Variants in SLC38A6 observed in about 807,000 individuals in gnomAD.
SLC38A6 encodes N system amino acid transporter NAT-1.
In SLC38A6, 73 loss-of-function variants were observed where a neutral mutation model predicts 65.0. The ratio of observed to expected loss-of-function variants is 1.12; its 90% CI spans 0.93 to 1.37. SLC38A6 has a LOEUF of 1.37. Ranked by LOEUF, SLC38A6 falls within the 40% of genes most tolerant of loss-of-function variation. The pLI is 0.00. For missense variants in SLC38A6, 561 were observed against 531.1 expected (o/e 1.06, Z -0.55); for synonymous variants, 183 against 178.8 (o/e 1.02, Z -0.19).
chr14:61,071,571 A>G (rs1469454957), intron 15 of SLC38A6, among the ~76,000 whole-genome samples: 1 of 151,940 alleles, frequency 6.6e-6, no homozygotes, highest in Non-Finnish European at 1.5e-5. Flanking sequence ...AGTCCGAGCT[A>G]CTTGCGAGGC....
chr14:61,072,012 A>C (rs1417730414), intron 15 of SLC38A6, among the ~76,000 whole-genome samples: 1 of 152,112 alleles, frequency 6.6e-6, no homozygotes, highest in African/African-American at 2.4e-5. Flanking sequence ...TGATATTCTT[A>C]GGCGAGATGC....
chr14:61,025,454 C>T (rs953388691), intron 5 of SLC38A6, among the ~76,000 whole-genome samples: 24 of 152,152 alleles, frequency 1.6e-4, no homozygotes, highest in Admixed American at 1.3e-4. Context: ...GGTGAAACTG[C>T]AGCTTTCTTG....
At chr14:61,026,100 A>G (rs2040595664) in intron 5 of SLC38A6, among the ~76,000 whole-genome samples, 1 of 152,160 alleles carries the variant, frequency 6.6e-6, no homozygotes, top group Non-Finnish European at 1.5e-5. Flanking sequence ...TCTTATCTTC[A>G]TAAACTGTAA....
chr14:61,031,495 GA>G (rs1275118057), intron 6 of SLC38A6, among the ~76,000 whole-genome samples: 9 of 151,968 alleles, frequency 5.9e-5, no homozygotes, highest in African/African-American at 1.4e-4. Flanking sequence ...AAACCATCAA[GA>G]AAATGTAGTT....
chr14:60,981,737 C>T lies in SLC38A6; in HGVS notation c.105+355C>T, dbSNP rs1050542750. The T allele has an allele frequency of 4.8e-5, 62 of 1,299,246 alleles. No homozygotes were observed. In the African/African-American group the frequency reaches 8.6e-4, roughly 18 times the overall value. The allele number at this position is 1,299,246 out of a possible 1,614,324, so 80.5% of individuals were successfully genotyped here. A position where few individuals can be genotyped will look rare whatever the true frequency, so the allele number is the denominator to read the frequency against. Reference sequence around the variant, plus strand: ...ATTTTCTCCACCAGTCTCGTGAGGTCTTTGCAAGAGTCACAGGATTTTCCT... The same window carrying T: ...ATTTTCTCCACCAGTCTCGTGAGGTTTTTGCAAGAGTCACAGGATTTTCCT... On this transcript the variant is annotated intron_variant, in intron 1 of 15. Transcript: ENST00000267488.
intron 3 of SLC38A6, among the ~76,000 whole-genome samples, chr14:61,001,859 T>G (rs1278197125): frequency 1.3e-5 from 2 of 152,212 alleles, no homozygotes. Flanking sequence ...TTTTGTTCCA[T>G]CAACTTTAGT....
chr14:61,006,581 C>T lies in SLC38A6; in HGVS notation c.311-9323C>T, dbSNP rs899033514. On this transcript the variant is annotated intron_variant, in intron 3 of 15. Transcript: ENST00000267488. Reference sequence around the variant, plus strand: ...CAAAAAACACATGAAAAAATGCTCACCATCACTGGCCATCAGAGAAATGCA... The same window carrying T: ...CAAAAAACACATGAAAAAATGCTCATCATCACTGGCCATCAGAGAAATGCA... Among the ~76,000 whole-genome samples, 6 of 152,228 alleles carry T rather than the reference C, an allele frequency of 3.9e-5. No homozygotes were observed. The East Asian group carries it at 9.7e-4, about 24-fold the overall frequency.
intron 3 of SLC38A6, among the ~76,000 whole-genome samples, chr14:61,009,001 A>G (rs149361891): frequency 2.0e-5 from 3 of 152,316 alleles, no homozygotes; most frequent in African/African-American, 7.2e-5. Context: ...TAGTTGTTAG[A>G]CAACCATGAA....
At chr14:61,006,554 G>A (rs2039136076) in intron 3 of SLC38A6, among the ~76,000 whole-genome samples, 3 of 152,174 alleles carry the variant, frequency 2.0e-5, no homozygotes, top group Non-Finnish European at 2.9e-5. Flanking sequence ...CATTTATGCA[G>A]CCAAAAAACA....
At chr14:61,011,864 C>G (rs1386659458) in intron 3 of SLC38A6, among the ~76,000 whole-genome samples, 1 of 152,146 alleles carries the variant, frequency 6.6e-6, no homozygotes, top group Non-Finnish European at 1.5e-5. Flanking sequence ...TGTGTCTCTG[C>G]CAGACTTTGG....
intron 16 of SLC38A6, among the ~76,000 whole-genome samples, chr14:61,081,961 GAC>G (rs2043669339): frequency 6.6e-6 from 1 of 152,128 alleles, no homozygotes; most frequent in Non-Finnish European, 1.5e-5. Flanking sequence ...ACATGGGAGA[GAC>G]AGGCTGTGCC....
intron 15 of SLC38A6, among the ~76,000 whole-genome samples, chr14:61,062,059 G>C (rs945066185): frequency 6.6e-6 from 1 of 152,098 alleles, no homozygotes; most frequent in African/African-American, 2.4e-5. Context: ...GGCTGGTCTT[G>C]TACTCCTGAC....
intron 3 of SLC38A6, among the ~76,000 whole-genome samples, chr14:60,994,990 C>G (rs1440004904): frequency 2.0e-5 from 2 of 101,644 alleles, no homozygotes; most frequent in Non-Finnish European, 3.6e-5. Context: ...GGCGACAGAG[C>G]AAGACTCCAT....
At position 61,082,649 on chromosome 14, in the gene SLC38A6, G is replaced by A. The variant is rs556578117; in HGVS notation, c.1409-906G>A. Reference sequence around the variant, plus strand: ...GCAGACGCCTGTAGGTGCCTTCCACGTTGCTCAGATGAACAGTAGAGAAGG... The same window carrying A: ...GCAGACGCCTGTAGGTGCCTTCCACATTGCTCAGATGAACAGTAGAGAAGG... On this transcript the variant is annotated intron_variant, in intron 16 of 16. Transcript: ENST00000354886. 1.4e-4 allele frequency among the ~76,000 whole-genome samples: 22 copies of A among 152,254 alleles called. No homozygotes were observed. The East Asian group carries it at 2.5e-3, about 17-fold the overall frequency.
chr14:61,043,961 C>T (rs996665843), intron 10 of SLC38A6, among the ~76,000 whole-genome samples: 17 of 151,998 alleles, frequency 1.1e-4, no homozygotes, highest in Non-Finnish European at 1.3e-4. Context: ...ATCTTCTGGC[C>T]GACATTCCAA....
chr14:61,067,888 CT>C (rs560233367), intron 15 of SLC38A6, among the ~76,000 whole-genome samples: 284 of 152,208 alleles, frequency 1.9e-3, no homozygotes, highest in African/African-American at 6.7e-3. Context: ...TTGTGACATT[CT>C]TCATCATACT....
intron 3 of SLC38A6, among the ~76,000 whole-genome samples, chr14:60,991,821 C>T (rs943963094): frequency 2.1e-4 from 32 of 152,184 alleles, no homozygotes; most frequent in African/African-American, 7.7e-4. Flanking sequence ...GTGCCTTCCC[C>T]ATCCTTGAGG....
chr14:61,000,651 C>G (rs148342914), intron 3 of SLC38A6, among the ~76,000 whole-genome samples: 1 of 152,096 alleles, frequency 6.6e-6, no homozygotes, highest in Non-Finnish European at 1.5e-5. Flanking sequence ...AAAAAAAATT[C>G]TTTACATAGC....
chr14:61,040,217 A>G (rs2041707282), intron 8 of SLC38A6, among the ~76,000 whole-genome samples: 1 of 151,728 alleles, frequency 6.6e-6, no homozygotes, highest in African/African-American at 2.4e-5. Flanking sequence ...AGTCACCCAG[A>G]CTGGAGTGCA....
Sources: allele counts gnomAD v4.1 joint callset (sites outside exome capture counted in the v4.1 genomes callset), GRCh38; gene constraint gnomAD v4.1.1; transcripts MANE v1.5; gene names NCBI Gene and HGNC (gene_info 2026-07-23, HGNC 2026-07-21).